CD46: variants seen among roughly 807,000 people sequenced by gnomAD.
CD46 encodes CD46 molecule, also known as membrane cofactor protein.
CD46 carries 30 observed loss-of-function variants against 53.3 expected under a neutral mutation model. The ratio of observed to expected loss-of-function variants is 0.56; its 90% CI spans 0.42 to 0.76. CD46 has a LOEUF of 0.76. CD46 is among the 30% of genes least tolerant of loss of function. The pLI, the probability that CD46 is intolerant of heterozygous loss-of-function variation, is 0.00. For synonymous variants in CD46, 142 were observed against 152.0 expected (o/e 0.93, Z 0.48); for missense variants, 409 against 463.0 (o/e 0.88, Z 1.07).
At chr1:207,765,809 C>G (rs1656778506) in intron 5 of CD46, among the ~76,000 whole-genome samples, 1 of 152,098 alleles carries the variant, frequency 6.6e-6, no homozygotes, top group Admixed American at 6.6e-5. Flanking sequence ...AACTCGGCAA[C>G]CCAAATAAAC....
chr1:207,776,160 A>G (rs1658078228), intron 8 of CD46, among the ~76,000 whole-genome samples: 2 of 152,214 alleles, frequency 1.3e-5, no homozygotes, highest in Non-Finnish European at 2.9e-5. Flanking sequence ...AGGTTCTGTG[A>G]GCGTGGGACC....
At chr1:207,770,155 T>C in intron 7 of CD46, 166 bp from the exon 8 acceptor site, 3 of 626,860 alleles carry the variant, frequency 4.8e-6, no homozygotes, top group Non-Finnish European at 8.7e-6. Context: ...TCTTACATAC[T>C]TGTGCAAATA....
At chr1:207,791,023 TATA>T (rs1177405977) in intron 12 of CD46, among the ~76,000 whole-genome samples, 3 of 152,164 alleles carry the variant, frequency 2.0e-5, no homozygotes, top group Admixed American at 6.5e-5. Flanking sequence ...TAACCTAGGT[TATA>T]ATTAAAAGTT....
At chr1:207,765,090 T>C (rs1170647864) in intron 5 of CD46, among the ~76,000 whole-genome samples, 1 of 152,128 alleles carries the variant, frequency 6.6e-6, no homozygotes, top group African/African-American at 2.4e-5. Context: ...AAAAGAAAAG[T>C]AAATCATGAC....
intron 3 of CD46, 81 bp from the exon 4 acceptor site, chr1:207,759,558 A>G (rs1365221560): frequency 1.3e-6 from 1 of 773,614 alleles, no homozygotes; most frequent in East Asian, 2.7e-5. Context: ...TAGAAAAGAA[A>G]CCATATAAAA....
At chr1:207,783,479 A>G in intron 9 of CD46, 149 bp downstream of exon 9, 1 of 563,470 alleles carries the variant, frequency 1.8e-6, no homozygotes, top group South Asian at 2.4e-5. Context: ...TAAAATATAT[A>G]AAACACAATT....
At chr1:207,754,231 G>T (rs1200306400) in intron 1 of CD46, among the ~76,000 whole-genome samples, 1 of 152,150 alleles carries the variant, frequency 6.6e-6, no homozygotes, top group Non-Finnish European at 1.5e-5. Flanking sequence ...AGGCTTCTCT[G>T]CTCATCAAAC....
chr1:207,783,559 A>G (rs1658989415), intron 9 of CD46: 10 of 410,900 alleles, frequency 2.4e-5, no homozygotes, highest in Non-Finnish European at 3.6e-5. Flanking sequence ...TTCATATCTT[A>G]TATACATGAA....
Position 207,767,133 on chromosome 1 carries a change from G to A in CD46, c.794G>A (p.Ser265Asn), listed in dbSNP as rs1376898809. 6.2e-7 allele frequency: 1 copy of A among 1,613,930 alleles called. No homozygotes were observed. Among genetic ancestry groups the A allele is most frequent in the Admixed American group, 1.7e-5 (1 of 60,026 alleles). The stretch of plus-strand genomic sequence containing the variant: ...GATAAGGGTTTTTACCTCGATGGCA[G>A]CGACACAATTGTCTGTGACAGTAAC... ...ECDKGFYLDG[S>N]DTIVCDSNST... The change falls in exon 6 of 13, where the codon AGC (serine) becomes AAC (asparagine). Residue 265 changes from serine (S) to asparagine (N), a missense_variant. By Grantham distance (46) the Ser-to-Asn change is conservative. Transcript: ENST00000367042.
chr1:207,790,194 C>T (rs964396657), intron 11 of CD46, 59 bp from the exon 12 acceptor site: 1 of 846,442 alleles, frequency 1.2e-6, no homozygotes, highest in Non-Finnish European at 2.1e-6. Flanking sequence ...TTATGCTACT[C>T]GTTTCTTTTT....
intron 11 of CD46, among the ~76,000 whole-genome samples, chr1:207,786,785 A>G (rs1427488010): frequency 6.6e-6 from 1 of 152,194 alleles, no homozygotes; most frequent in Non-Finnish European, 1.5e-5. Context: ...CTTCACTTGA[A>G]TCTTAAATCT....
intron 1 of CD46, among the ~76,000 whole-genome samples, chr1:207,756,591 C>G (rs1655571453): frequency 1.3e-5 from 2 of 152,088 alleles, no homozygotes; most frequent in African/African-American, 4.8e-5. Flanking sequence ...AGAGAAGACA[C>G]CCTGAAGTGA....
intron 12 of CD46, among the ~76,000 whole-genome samples, chr1:207,792,913 C>T (rs913462995): frequency 3.9e-5 from 6 of 152,058 alleles, no homozygotes; most frequent in Non-Finnish European, 7.4e-5. Context: ...ATTATTTTTG[C>T]CTTTTTATGT....
At chr1:207,768,037 A>G (rs1657060120) in intron 7 of CD46, 1 of 543,436 alleles carries the variant, frequency 1.8e-6, no homozygotes, top group Admixed American at 3.1e-5. Context: ...GGAAAGTTGT[A>G]TAAATTTTGA....
chr1:207,787,592 C>T (rs748434639), intron 11 of CD46, among the ~76,000 whole-genome samples: 1 of 152,076 alleles, frequency 6.6e-6, no homozygotes, highest in African/African-American at 2.4e-5. Context: ...CATAATTAAT[C>T]CTGCAAATAG....
chr1:207,793,662 T>TCAG lies in CD46; in HGVS notation c.*185_*186insCAG, dbSNP rs1660008390. The TCAG allele has an allele frequency of 1.6e-6, 2 of 1,280,314 alleles. No individual in the cohort carries two copies. The highest frequency in any genetic ancestry group is 1.7e-5 in the Admixed American group (1 of 57,730). 79.3% of individuals were successfully genotyped at this position (1,280,314 alleles called of 1,614,324 possible). On this transcript the variant is annotated 3_prime_UTR_variant, in exon 13 of 13. Transcript: ENST00000367042. Reference sequence around the variant, plus strand: ...AAAATCTTCAATAGTTGTTATTCTGTAGTTTCACTCTCATGAGTGCAACTG... The same window carrying TCAG: ...AAAATCTTCAATAGTTGTTATTCTGTCAGAGTTTCACTCTCATGAGTGCAACTG...
Position 207,752,256 on chromosome 1 carries a change from G to C in CD46, c.44G>C (p.Arg15Pro). 6.2e-7 allele frequency: 1 copy of C among 1,614,148 alleles called. No individual in the cohort carries two copies. Among genetic ancestry groups the C allele is most frequent in the South Asian group, 1.1e-5 (1 of 91,084 alleles). Residue 15 changes from arginine (R) to proline (P), a missense_variant, in exon 1 of 13, where the codon CGC becomes CCC. Physicochemically the swap from Arg to Pro is moderately radical, Grantham distance 103. Transcript: ENST00000367042. This position sits in a 1 kb window ranked among gnomAD's most constrained non-coding sequence, Gnocchi z 4.1. ...CGCGAGTGTCCCTTTCCTTCCTGGC[G>C]CTTTCCTGGGTTGCTTCTGGCGGCC... The part of the protein sequence containing the change: ...GRRECPFPSW[R>P]FPGLLLAAMV...
chr1:207,785,714 G>A (rs777687308), intron 11 of CD46, 32 bp downstream of exon 11: 4 of 1,403,682 alleles, frequency 2.8e-6, no homozygotes, highest in African/African-American at 1.4e-5. Flanking sequence ...TTAACTTCTT[G>A]GTCCTTCTTA....
At chr1:207,770,811 A>G (rs1056990381) in intron 8 of CD46, among the ~76,000 whole-genome samples, 1 of 152,228 alleles carries the variant, frequency 6.6e-6, no homozygotes, top group African/African-American at 2.4e-5. Flanking sequence ...ATTGATGGAC[A>G]TTCGGGTTGG....
Sources: allele counts gnomAD v4.1 joint callset (sites outside exome capture counted in the v4.1 genomes callset), GRCh38; gene constraint gnomAD v4.1.1; non-coding constraint Gnocchi (gnomAD v3.1); transcripts MANE v1.5; gene names NCBI Gene and HGNC (gene_info 2026-07-23, HGNC 2026-07-21).